CFAP92: variants seen among roughly 807,000 people sequenced by gnomAD.
CFAP92 encodes uncharacterized protein CFAP92.
Under a neutral mutation model 106.3 loss-of-function variants are expected in CFAP92, and 86 were observed. That is an observed-to-expected ratio of 0.81 (90% CI 0.68 to 0.97). The LOEUF is 0.97. Ranked by LOEUF, CFAP92 falls within the 50% of genes least tolerant of loss-of-function variation. The pLI is 0.00. For synonymous variants in CFAP92, 477 were observed against 506.4 expected (o/e 0.94, Z 0.78); for missense variants, 1,204 against 1,283.8 (o/e 0.94, Z 0.95).
chr3:128,996,690 C>A (rs1944491934), upstream of CFAP92, among the ~76,000 whole-genome samples: 1 of 152,262 alleles, frequency 6.6e-6, no homozygotes, highest in South Asian at 2.1e-4. Context: ...CTCACCACTC[C>A]ATGCATCAGC....
At chr3:129,019,854 C>T in the CFAP92 span, among the ~76,000 whole-genome samples, 2 of 150,182 alleles carry the variant, frequency 1.3e-5, no homozygotes, top group South Asian at 2.1e-4. Flanking sequence ...CTGCAACCTC[C>T]ACCTCCCAGA....
intron 1 of CFAP92, chr3:129,001,870 C>G (rs1328669929): frequency 5.2e-6 from 8 of 1,545,540 alleles, no homozygotes; most frequent in Middle Eastern, 1.7e-4. Flanking sequence ...GACTTCCGAG[C>G]GCTCTGCGCT....
exon 1 of CFAP92, chr3:129,002,586 C>A: frequency 1.8e-6 from 1 of 570,544 alleles, no homozygotes; most frequent in Non-Finnish European, 2.8e-6. Context: ...CACTTTTCTG[C>A]TCCACCGCCA....
At chr3:128,911,029 G>GTA (rs1326009034) in intron 15 of CFAP92, among the ~76,000 whole-genome samples, 2 of 152,174 alleles carry the variant, frequency 1.3e-5, no homozygotes, top group Admixed American at 6.5e-5. Context: ...GCAGTTGTAT[G>GTA]TATATATGTG....
At chr3:128,920,514 AATC>A (rs1441013989) in intron 12 of CFAP92, among the ~76,000 whole-genome samples, 19 of 152,220 alleles carry the variant, frequency 1.2e-4, no homozygotes, top group African/African-American at 3.6e-4. Context: ...GAATTGAAGA[AATC>A]ATCATTAAAG....
At chr3:128,920,329 A>G (rs549111232) in intron 12 of CFAP92, among the ~76,000 whole-genome samples, 1 of 152,202 alleles carries the variant, frequency 6.6e-6, no homozygotes, top group Non-Finnish European at 1.5e-5. Flanking sequence ...GCTTGAACCC[A>G]GGAGGCGGAG....
At chr3:129,024,604 G>A in the CFAP92 span, among the ~76,000 whole-genome samples, 4 of 152,050 alleles carry the variant, frequency 2.6e-5, no homozygotes, top group African/African-American at 7.2e-5. Context: ...GGAAGTAAAG[G>A]GCATGTCACA....
chr3:128,975,567 GAT>G (rs1259261207), intron 7 of CFAP92, among the ~76,000 whole-genome samples: 1 of 152,026 alleles, frequency 6.6e-6, no homozygotes, highest in Non-Finnish European at 1.5e-5. Context: ...GGGATGGACA[GAT>G]AGATGAATGG....
intron 7 of CFAP92, among the ~76,000 whole-genome samples, chr3:128,974,887 G>A (rs977206768): frequency 5.3e-5 from 8 of 151,374 alleles, no homozygotes; most frequent in Admixed American, 2.0e-4. Context: ...TTGGGAGGCC[G>A]AGGCGGGCAG....
At chr3:128,923,194 G>C (rs149318760) in intron 12 of CFAP92, among the ~76,000 whole-genome samples, 6 of 152,334 alleles carry the variant, frequency 3.9e-5, no homozygotes, top group African/African-American at 1.2e-4. Context: ...AGATGTGTAC[G>C]ACCATGGAAC....
rs576693614 is a variant in CFAP92 at position 128,947,340 on chromosome 3, A to G, written c.1354-1365T>C. ...CAAACCAATCAGTTTATAGGTTTAC[A>G]AATGTAATGCAATTCCAATCAAAAT... On this transcript the variant is annotated intron_variant, in intron 9 of 15. Coordinates refer to ENST00000645291, the MANE Select transcript of CFAP92 (RefSeq NM_001394090.1). Among the ~76,000 whole-genome samples, 600 of 152,388 alleles carry G rather than the reference A, an allele frequency of 3.9e-3. 1 individual carries two copies. The highest frequency in any genetic ancestry group is 0.014 in the African/African-American group (566 of 41,590).
rs773997480 is a variant in CFAP92, at chr3:128,971,356, G to A, written c.1099C>T (p.Pro367Ser). Reference protein sequence around the residue: ...KKPLAEEEADPTLTGPRKQSA... With the variant: ...KKPLAEEEADSTLTGPRKQSA... ...TGCTTCCTGGGGCCTGTCAGCGTGGGGTCTGCCTCTTCTTCTGCCAGGGGC... is the reference window on the plus strand; with the variant it reads ...TGCTTCCTGGGGCCTGTCAGCGTGGAGTCTGCCTCTTCTTCTGCCAGGGGC... The change falls in exon 8 of 16, where the codon CCC becomes TCC. Residue 367 changes from proline (P) to serine (S), a missense_variant. Coordinates refer to ENST00000645291, the MANE Select transcript of CFAP92 (RefSeq NM_001394090.1). The A allele has an allele frequency of 6.8e-6, 11 of 1,613,482 alleles. No homozygotes were observed. The highest frequency in any genetic ancestry group is 1.1e-5 in the South Asian group (1 of 90,996).
intron 12 of CFAP92, among the ~76,000 whole-genome samples, chr3:128,919,095 G>C (rs1480281744): frequency 6.6e-6 from 1 of 151,976 alleles, no homozygotes; most frequent in East Asian, 1.9e-4. Context: ...TTACAGGCGT[G>C]TGCCACCACG....
intron 8 of CFAP92, chr3:128,968,268 T>C (rs1451937858): frequency 6.6e-6 from 1 of 152,172 alleles, no homozygotes; most frequent in Admixed American, 6.5e-5. Flanking sequence ...ACTATCCTTT[T>C]AAAATAAGAG....
At chr3:128,946,862 C>T (rs1559884300) in intron 9 of CFAP92, among the ~76,000 whole-genome samples, 1 of 152,002 alleles carries the variant, frequency 6.6e-6, no homozygotes, top group African/African-American at 2.4e-5. Flanking sequence ...TTAGAATGAT[C>T]AGAGATATAA....
chr3:128,980,673 C>A (rs1345011184), intron 4 of CFAP92, among the ~76,000 whole-genome samples: 3 of 152,220 alleles, frequency 2.0e-5, no homozygotes, highest in African/African-American at 7.2e-5. Context: ...TATTCTAAAT[C>A]CTATTGTCAT....
intron 8 of CFAP92, chr3:128,967,902 G>A (rs1942501735): frequency 6.6e-6 from 1 of 152,186 alleles, no homozygotes; most frequent in African/African-American, 2.4e-5. Context: ...ATTATGGCAT[G>A]TTTAACAGTA....
the CFAP92 span, among the ~76,000 whole-genome samples, chr3:129,015,374 G>A: frequency 6.6e-6 from 1 of 151,974 alleles, no homozygotes; most frequent in Non-Finnish European, 1.5e-5. Context: ...GGACTTTTCT[G>A]TCCTTCATGT....
intron 10 of CFAP92, among the ~76,000 whole-genome samples, chr3:128,943,920 G>GTTT (rs768570835): frequency 0.01 from 1,110 of 109,964 alleles, 23 homozygotes; most frequent in African/African-American, 0.034. Context: ...TATTTCCCCC[G>GTTT]TTTTTTTTTT....
Sources: gnomAD v4.1 joint callset for allele counts (sites outside exome capture counted in the v4.1 genomes callset) on GRCh38, gnomAD v4.1.1 for gene constraint, MANE v1.5 for transcripts, NCBI Gene and HGNC (gene_info 2026-07-23, HGNC 2026-07-21) for gene names.